Variants in KIAA1958 observed in about 807,000 individuals in gnomAD.
KIAA1958 encodes the protein KIAA1958, also known as uncharacterized protein KIAA1958.
A neutral mutation model predicts 47.2 loss-of-function variants in KIAA1958; 14 were observed. The observed-to-expected ratio is 0.30, with a 90% CI of 0.20 to 0.46. KIAA1958 has a LOEUF of 0.46. Among genes scored for constraint, KIAA1958 ranks in the 20% least tolerant of loss-of-function variants. The probability of loss-of-function intolerance (pLI) is 1.00; values close to 1 mark genes in which losing one functional copy is unlikely to be tolerated. For missense variants in KIAA1958, 803 were observed against 909.2 expected, an observed-to-expected ratio of 0.88 and a Z score of 1.50; for synonymous variants, 354 against 353.3, an observed-to-expected ratio of 1.00 and a Z score of -0.02.
intron 3 of KIAA1958, among the ~76,000 whole-genome samples, chr9:112,656,700 G>C (rs1170656961): frequency 6.6e-6 from 1 of 151,880 alleles, no homozygotes; most frequent in Non-Finnish European, 1.5e-5. Context: ...AAGCTGAACT[G>C]ATTCCATAAA....
At chr9:112,640,840 A>G (rs1836878203) in intron 2 of KIAA1958, among the ~76,000 whole-genome samples, 1 of 152,216 alleles carries the variant, frequency 6.6e-6, no homozygotes, top group Admixed American at 6.5e-5. Flanking sequence ...CTCCACGTGC[A>G]TGAATTTAAG....
intron 2 of KIAA1958, among the ~76,000 whole-genome samples, chr9:112,641,418 CT>C (rs200818812): frequency 0.1 from 7,767 of 75,546 alleles, 271 homozygotes; most frequent in Non-Finnish European, 0.15. Context: ...CTCTTGGTGG[CT>C]TTTTTTTTTT....
At chr9:112,549,829 G>A (rs1019948280) in intron 1 of KIAA1958, among the ~76,000 whole-genome samples, 2 of 152,192 alleles carry the variant, frequency 1.3e-5, no homozygotes, top group African/African-American at 4.8e-5. Context: ...GGCATCTAGT[G>A]GGTAGAGATG....
chr9:112,530,060 G>C (rs900479860), intron 1 of KIAA1958, among the ~76,000 whole-genome samples: 7 of 152,094 alleles, frequency 4.6e-5, no homozygotes, highest in Non-Finnish European at 7.3e-5. Flanking sequence ...AGCCAGGATG[G>C]TCTCGATCTC....
chr9:112,542,744 C>T (rs897424211), intron 1 of KIAA1958, among the ~76,000 whole-genome samples: 3 of 152,068 alleles, frequency 2.0e-5, no homozygotes, highest in African/African-American at 7.2e-5. Flanking sequence ...CCTGGGAAAA[C>T]CAAGACAAAA....
intron 2 of KIAA1958, among the ~76,000 whole-genome samples, chr9:112,636,387 CAATT>C (rs1202217583): frequency 6.6e-6 from 1 of 151,916 alleles, no homozygotes; most frequent in Non-Finnish European, 1.5e-5. Flanking sequence ...CTTTATGTAT[CAATT>C]AAGTCCAGTT....
chr9:112,532,794 A>G (rs911982866), intron 1 of KIAA1958, among the ~76,000 whole-genome samples: 6 of 152,226 alleles, frequency 3.9e-5, no homozygotes, highest in South Asian at 2.1e-4. Context: ...GGGATTTAGC[A>G]GTACACTAAG....
rs893639357 is a variant in KIAA1958, at chr9:112,605,348, G to A, written c.1171+30097G>A. On this transcript the variant is annotated intron_variant, in intron 2 of 3. Coordinates refer to ENST00000337530, the MANE Select transcript of KIAA1958 (RefSeq NM_133465.4). ...TGGGTTGGGGAAAAGTGAAGTGGTG[G>A]TTGACTTGGATGTTCTCCTGTTCCC... is the stretch of plus-strand genomic sequence containing the variant. 2.6e-5 allele frequency among the ~76,000 whole-genome samples: 4 copies of A among 152,138 alleles called. No homozygotes were observed. In the East Asian group the frequency reaches 5.8e-4, roughly 22 times the overall value.
At chr9:112,544,904 A>G (rs1835002461) in intron 1 of KIAA1958, among the ~76,000 whole-genome samples, 1 of 151,712 alleles carries the variant, frequency 6.6e-6, no homozygotes, top group Admixed American at 6.6e-5. Context: ...CTAATTTTTA[A>G]TCTTTTTTTT....
At chr9:112,493,941 C>G (rs1834012439) in intron 1 of KIAA1958, among the ~76,000 whole-genome samples, 1 of 152,196 alleles carries the variant, frequency 6.6e-6, no homozygotes. Context: ...AATTACTTAA[C>G]TGTGCCATTG....
At position 112,585,727 on chromosome 9, in the gene KIAA1958, G is replaced by C. The variant is rs143445732; in HGVS notation, c.1171+10476G>C. Among the ~76,000 whole-genome samples the C allele has an allele frequency of 1.6e-4, 24 of 152,308 alleles. No individual in the cohort carries two copies. The East Asian group carries it at 4.6e-3, about 29-fold the overall frequency. On this transcript the variant is annotated intron_variant, in intron 2 of 3. Transcript: ENST00000337530. Reference sequence around the variant, plus strand: ...TTCAGGAGTTAAAATACAGAACTTGGTGACCTGTGAGTGTTTGGCCTCTTA... The same window carrying C: ...TTCAGGAGTTAAAATACAGAACTTGCTGACCTGTGAGTGTTTGGCCTCTTA...
intron 1 of KIAA1958, among the ~76,000 whole-genome samples, chr9:112,505,124 A>G (rs1178022513): frequency 2.0e-5 from 3 of 152,146 alleles, no homozygotes; most frequent in African/African-American, 4.8e-5. Flanking sequence ...GCTTCCATGT[A>G]TAAGAATATG....
At chr9:112,566,964 C>T (rs1390165949) in intron 1 of KIAA1958, among the ~76,000 whole-genome samples, 1 of 151,840 alleles carries the variant, frequency 6.6e-6, no homozygotes, top group Non-Finnish European at 1.5e-5. Flanking sequence ...TAATAATATG[C>T]TCATATTAAT....
chr9:112,561,664 G>A (rs1425591385), intron 1 of KIAA1958, among the ~76,000 whole-genome samples: 2 of 152,062 alleles, frequency 1.3e-5, no homozygotes, highest in Non-Finnish European at 2.9e-5. Context: ...AGACCAGCCT[G>A]GCCAACATAG....
chr9:112,491,197 C>T lies in KIAA1958; in HGVS notation c.-25+4079C>T, dbSNP rs1428140784. The stretch of plus-strand genomic sequence containing the variant: ...CCCAGGCTGGTCTTGAACTCCTGGA[C>T]TCAAATGATCTTCCTGCCTTGGCCT... On this transcript the variant is annotated intron_variant, in intron 1 of 3. Coordinates refer to ENST00000337530, the MANE Select transcript of KIAA1958 (RefSeq NM_133465.4). Among the ~76,000 whole-genome samples, 4 of 152,172 alleles carry T rather than the reference C, an allele frequency of 2.6e-5. No individual in the cohort carries two copies. The East Asian group carries it at 7.7e-4, about 29-fold the overall frequency.
At chr9:112,553,990 C>T (rs1835199236) in intron 1 of KIAA1958, among the ~76,000 whole-genome samples, 1 of 151,968 alleles carries the variant, frequency 6.6e-6, no homozygotes, top group South Asian at 2.1e-4. Context: ...AAAAATAATG[C>T]CATCATACCT....
At chr9:112,492,992 T>C (rs1024358776) in intron 1 of KIAA1958, among the ~76,000 whole-genome samples, 4 of 149,152 alleles carry the variant, frequency 2.7e-5, no homozygotes, top group Non-Finnish European at 5.9e-5. Context: ...GCTCATGATA[T>C]CCTCCTATCT....
At chr9:112,584,594 T>G (rs1369170666) in intron 2 of KIAA1958, among the ~76,000 whole-genome samples, 1 of 152,242 alleles carries the variant, frequency 6.6e-6, no homozygotes, top group Admixed American at 6.5e-5. Flanking sequence ...TTTCTCCTTA[T>G]GATTGTGATG....
chr9:112,652,066 A>G (rs368579051), intron 3 of KIAA1958, among the ~76,000 whole-genome samples: 1 of 152,026 alleles, frequency 6.6e-6, no homozygotes, highest in Admixed American at 6.6e-5. Context: ...AGGTCTCACT[A>G]TGTTACCCAG....
Sources: allele counts gnomAD v4.1 joint callset (sites outside exome capture counted in the v4.1 genomes callset), GRCh38; gene constraint gnomAD v4.1.1; transcripts MANE v1.5; gene names NCBI Gene and HGNC (gene_info 2026-07-23, HGNC 2026-07-21).